SCFD1: variants seen among roughly 807,000 people sequenced by gnomAD.
SCFD1 encodes the protein sec1 family domain containing 1.
A neutral mutation model predicts 103.2 loss-of-function variants in SCFD1; 37 were observed. The ratio of observed to expected loss-of-function variants is 0.36; its 90% CI spans 0.28 to 0.47. SCFD1 has a LOEUF of 0.47. Ranked by LOEUF, SCFD1 falls within the 20% of genes least tolerant of loss-of-function variation. The pLI, the probability that SCFD1 is intolerant of heterozygous loss-of-function variation, is 1.00. For missense variants in SCFD1, 639 were observed against 761.2 expected, an observed-to-expected ratio of 0.84 and a Z score of 1.89; for synonymous variants, 264 against 245.0, an observed-to-expected ratio of 1.08 and a Z score of -0.73.
chr14:30,732,872 T>C (rs145663687), intron 23 of SCFD1, among the ~76,000 whole-genome samples: 394 of 152,336 alleles, frequency 2.6e-3, no homozygotes, highest in Middle Eastern at 6.8e-3. Context: ...AATACTAATA[T>C]TGATGAATTG....
intron 10 of SCFD1, among the ~76,000 whole-genome samples, chr14:30,659,748 G>C (rs754733645): frequency 1.3e-5 from 2 of 150,520 alleles, no homozygotes; most frequent in Non-Finnish European, 3.0e-5. Context: ...TCTAACCTCA[G>C]TGGCATAAAA....
intron 12 of SCFD1, 105 bp downstream of exon 12, chr14:30,673,452 G>T: frequency 1.9e-6 from 1 of 521,458 alleles, no homozygotes; most frequent in Non-Finnish European, 3.4e-6. Flanking sequence ...GCCATTTAAT[G>T]CTTTTATAAC....
chr14:30,653,010 T>A (rs1286273272), intron 9 of SCFD1, among the ~76,000 whole-genome samples: 1 of 151,444 alleles, frequency 6.6e-6, no homozygotes, highest in Non-Finnish European at 1.5e-5. Flanking sequence ...AAAAAAAAAA[T>A]AAAGTTTCCT....
At chr14:30,680,475 A>G (rs1889385013) in intron 14 of SCFD1, among the ~76,000 whole-genome samples, 1 of 152,220 alleles carries the variant, frequency 6.6e-6, no homozygotes, top group Admixed American at 6.5e-5. Flanking sequence ...CCTTAAGACC[A>G]TCTACCAAAG....
intron 6 of SCFD1, among the ~76,000 whole-genome samples, 160 bp downstream of exon 6, chr14:30,640,024 C>T (rs935058516): frequency 1.3e-5 from 2 of 152,160 alleles, no homozygotes; most frequent in African/African-American, 4.8e-5. Context: ...AAGGCTCAGA[C>T]TGAATTTTAT....
chr14:30,641,423 T>A (rs1298858189), intron 6 of SCFD1, among the ~76,000 whole-genome samples: 3 of 152,168 alleles, frequency 2.0e-5, no homozygotes, highest in Non-Finnish European at 4.4e-5. Flanking sequence ...GGGTTACTTT[T>A]CATTGAGAGA....
At chr14:30,696,249 C>T (rs1287550022) in intron 15 of SCFD1, among the ~76,000 whole-genome samples, 1 of 152,108 alleles carries the variant, frequency 6.6e-6, no homozygotes, top group Non-Finnish European at 1.5e-5. Flanking sequence ...AAGTATTGCT[C>T]ACACTTTTAG....
intron 15 of SCFD1, among the ~76,000 whole-genome samples, chr14:30,699,750 A>G (rs1890949713): frequency 6.6e-6 from 1 of 152,096 alleles, no homozygotes; most frequent in Admixed American, 6.6e-5. Context: ...TCATAACCCA[A>G]TTCCTAGGGT....
Position 30,715,928 on chromosome 14 carries a change from T to A in SCFD1, c.1634T>A (p.Leu545Gln), listed in dbSNP as rs1892250283. 1 of 1,539,428 alleles carries A rather than the reference T, an allele frequency of 6.5e-7. No homozygotes were observed. The highest frequency in any genetic ancestry group is 8.9e-7 in the Non-Finnish European group (1 of 1,129,006). The change falls in exon 20 of 25, where the codon CTA becomes CAA. Residue 545 changes from leucine to glutamine, a missense_variant. By Grantham distance (113) the Leu-to-Gln change is moderately radical. Transcript: ENST00000458591. ...TAACAAAATACTTTTCCACAGAATC[T>A]ACCTGTTACTCGTATTTTGGACAAT... is the stretch of plus-strand genomic sequence containing the variant. The part of the protein sequence containing the change: ...VKNLVLKQQN[L>Q]PVTRILDNLM...
chr14:30,654,330 C>T (rs913667341), intron 10 of SCFD1, among the ~76,000 whole-genome samples: 2 of 152,164 alleles, frequency 1.3e-5, no homozygotes, highest in Non-Finnish European at 2.9e-5. Context: ...CTAGGGATTA[C>T]ACTATATAAT....
chr14:30,703,910 CATATATATATATATATAT>C (rs71443380), intron 17 of SCFD1, among the ~76,000 whole-genome samples: 423 of 39,532 alleles, frequency 0.011, 10 homozygotes, highest in Non-Finnish European at 0.021. Flanking sequence ...GGAATATTTG[CATATATATATATATATAT>C]ATATATATAT....
chr14:30,655,918 A>G (rs757862249), intron 10 of SCFD1, among the ~76,000 whole-genome samples: 1 of 152,132 alleles, frequency 6.6e-6, no homozygotes, highest in Non-Finnish European at 1.5e-5. Context: ...ACGTGGGCCC[A>G]GGAGTTCAAG....
At chr14:30,720,754 T>C (rs1337027298) in intron 21 of SCFD1, among the ~76,000 whole-genome samples, 1 of 152,106 alleles carries the variant, frequency 6.6e-6, no homozygotes, top group African/African-American at 2.4e-5. Flanking sequence ...TGTGAGTAGG[T>C]TATATGCAAA....
At position 30,644,761 on chromosome 14, in the gene SCFD1, A is replaced by G. The variant is rs1885643028; in HGVS notation, c.613+1356A>G. On this transcript the variant is annotated intron_variant, in intron 7 of 24. Transcript: ENST00000458591. Reference sequence around the variant, plus strand: ...ATTCTGTTGGATGCATAGTTTGCGAATATTTTTTCCCATTCTGTAGGTTGT... The same window carrying G: ...ATTCTGTTGGATGCATAGTTTGCGAGTATTTTTTCCCATTCTGTAGGTTGT... Among the ~76,000 whole-genome samples the G allele has an allele frequency of 2.6e-5, 4 of 152,046 alleles. No individual in the cohort carries two copies. In the South Asian group the frequency reaches 8.3e-4, roughly 31 times the overall value.
chr14:30,675,688 C>G (rs1888974162), intron 14 of SCFD1, among the ~76,000 whole-genome samples: 2 of 152,140 alleles, frequency 1.3e-5, no homozygotes, highest in African/African-American at 4.8e-5. Flanking sequence ...GGCAGATTGA[C>G]CATATGCTAA....
intron 14 of SCFD1, among the ~76,000 whole-genome samples, chr14:30,694,306 T>A (rs567688924): frequency 6.6e-6 from 1 of 152,216 alleles, no homozygotes; most frequent in Non-Finnish European, 1.5e-5. Context: ...CCATCAAATA[T>A]GGTAAACAAA....
intron 17 of SCFD1, among the ~76,000 whole-genome samples, chr14:30,704,053 T>TATTCTTAA (rs1485759368): frequency 1.3e-5 from 2 of 150,596 alleles, no homozygotes; most frequent in African/African-American, 4.9e-5. Flanking sequence ...ATTTTATCAA[T>TATTCTTAA]ATTCTTAAGT....
intron 1 of SCFD1, among the ~76,000 whole-genome samples, chr14:30,624,064 T>A (rs1883132653): frequency 6.6e-6 from 1 of 152,208 alleles, no homozygotes; most frequent in Non-Finnish European, 1.5e-5. Context: ...AGAGGTAAAC[T>A]AACGTGCCTG....
intron 6 of SCFD1, among the ~76,000 whole-genome samples, chr14:30,642,582 A>T (rs1253977986): frequency 6.6e-6 from 1 of 152,214 alleles, no homozygotes. Context: ...ATATAACTTA[A>T]TATAAAGAAA....
Sources: allele counts gnomAD v4.1 joint callset (sites outside exome capture counted in the v4.1 genomes callset), GRCh38; gene constraint gnomAD v4.1.1; transcripts MANE v1.5; gene names NCBI Gene and HGNC (gene_info 2026-07-23, HGNC 2026-07-21).